SLC30A7: variants seen among roughly 807,000 people sequenced by gnomAD.
The protein encoded by SLC30A7 is zinc transporter 7.
In SLC30A7, 35 loss-of-function variants were observed where a neutral mutation model predicts 46.0. That is an observed-to-expected ratio of 0.76 (90% confidence interval 0.58 to 1.01). SLC30A7 has a LOEUF of 1.01. Among genes scored for constraint, SLC30A7 ranks in the 50% least tolerant of loss-of-function variants. The pLI is 0.00. For missense variants in SLC30A7, 464 were observed against 451.1 expected, an observed-to-expected ratio of 1.03 and a Z score of -0.26; for synonymous variants, 147 against 157.8, an observed-to-expected ratio of 0.93 and a Z score of 0.51.
At chr1:100,903,413 G>C (rs77796451) in intron 2 of SLC30A7, among the ~76,000 whole-genome samples, 255 of 152,056 alleles carry the variant, frequency 1.7e-3, no homozygotes, top group African/African-American at 6.1e-3. Flanking sequence ...TAGATGTTAT[G>C]GTTCAAGTGT....
intron 5 of SLC30A7, among the ~76,000 whole-genome samples, chr1:100,912,491 C>T (rs1652170658): frequency 6.6e-6 from 1 of 151,956 alleles, no homozygotes; most frequent in Admixed American, 6.6e-5. Context: ...ATAAAATAGA[C>T]AAATATCAGA....
At chr1:100,972,252 T>C in intron 10 of SLC30A7, 1 of 324,976 alleles carries the variant, frequency 3.1e-6, no homozygotes, top group South Asian at 2.7e-5. Flanking sequence ...CATAGGATTC[T>C]TCCACTTTTC....
chr1:100,897,620 C>G (rs1005878826), intron 2 of SLC30A7, among the ~76,000 whole-genome samples: 1 of 152,188 alleles, frequency 6.6e-6, no homozygotes. Flanking sequence ...GAGAAAATCG[C>G]TGTCCTTGAT....
the SLC30A7 span, chr1:100,990,681 A>C: frequency 1.3e-6 from 2 of 1,555,366 alleles, no homozygotes; most frequent in South Asian, 1.1e-5. Context: ...TGCATCATCC[A>C]TCCAACAGTC....
chr1:100,970,114 CAG>C (rs1656077079), intron 10 of SLC30A7, among the ~76,000 whole-genome samples: 1 of 151,996 alleles, frequency 6.6e-6, no homozygotes, highest in South Asian at 2.1e-4. Flanking sequence ...GTATTTCTTA[CAG>C]ACAGATTCAA....
chr1:100,929,174 G>A (rs1653514182), intron 8 of SLC30A7, among the ~76,000 whole-genome samples: 1 of 152,048 alleles, frequency 6.6e-6, no homozygotes, highest in South Asian at 2.1e-4. Context: ...ATATTTCCCA[G>A]AATGTTAATT....
intron 8 of SLC30A7, among the ~76,000 whole-genome samples, chr1:100,948,707 C>T (rs1486826425): frequency 1.3e-5 from 2 of 152,184 alleles, no homozygotes; most frequent in African/African-American, 2.4e-5. Context: ...AGTCTTTTCA[C>T]GTAGTCCTGT....
At chr1:100,990,369 T>C in the SLC30A7 span, 2 of 1,587,232 alleles carry the variant, frequency 1.3e-6, no homozygotes, top group Non-Finnish European at 1.7e-6. Flanking sequence ...AATCCATATA[T>C]GGCTGAAATT....
the SLC30A7 span, chr1:100,995,126 A>T: frequency 6.3e-7 from 1 of 1,579,984 alleles, no homozygotes; most frequent in Non-Finnish European, 8.7e-7. Context: ...AGATTTTCCA[A>T]AGACTGCTCC....
At chr1:100,911,545 T>TA (rs1254117513) in intron 4 of SLC30A7, among the ~76,000 whole-genome samples, 4 of 152,092 alleles carry the variant, frequency 2.6e-5, no homozygotes, top group African/African-American at 9.7e-5. Context: ...GTATTTTTTT[T>TA]AATTTTTTAT....
At chr1:100,965,618 G>GTATT (rs1378614201) in intron 9 of SLC30A7, 151 bp from the exon 10 acceptor site, 42 of 668,252 alleles carry the variant, frequency 6.3e-5, no homozygotes, top group South Asian at 5.4e-4. Flanking sequence ...GTACTCAAGA[G>GTATT]TATTTATTTA....
At chr1:100,926,259 T>C (rs1653298997) in intron 8 of SLC30A7, among the ~76,000 whole-genome samples, 1 of 152,208 alleles carries the variant, frequency 6.6e-6, no homozygotes, top group South Asian at 2.1e-4. Flanking sequence ...TACTTTGCAT[T>C]GCTATAAAGA....
chr1:100,976,208 A>G lies in SLC30A7; in HGVS notation c.*1351A>G, dbSNP rs1418954487. On this transcript the variant is annotated 3_prime_UTR_variant, in exon 11 of 11. Coordinates refer to ENST00000357650, the MANE Select transcript of SLC30A7 (RefSeq NM_133496.5). ...CCATTTCTATGGATTTTATAATGAAAGAAAAAGGCATTGGAGACTGAAGGC... is the reference window on the plus strand; with the variant it reads ...CCATTTCTATGGATTTTATAATGAAGGAAAAAGGCATTGGAGACTGAAGGC... The G allele has an allele frequency of 6.6e-6, 1 of 152,230 alleles. No homozygotes were observed. Among genetic ancestry groups the G allele is most frequent in the Non-Finnish European group, 1.5e-5 (1 of 68,046 alleles). The allele number at this position is 152,230 out of a possible 1,614,324, so 9.4% of individuals were successfully genotyped here. A position where few individuals can be genotyped will look rare whatever the true frequency, so the allele number is the denominator to read the frequency against.
At chr1:100,900,359 T>C (rs1651235576) in intron 2 of SLC30A7, among the ~76,000 whole-genome samples, 1 of 152,226 alleles carries the variant, frequency 6.6e-6, no homozygotes, top group Non-Finnish European at 1.5e-5. Flanking sequence ...TTTAAGACAA[T>C]ACCAGACATT....
intron 8 of SLC30A7, among the ~76,000 whole-genome samples, chr1:100,929,402 C>T (rs1001039271): frequency 9.9e-5 from 15 of 151,866 alleles, no homozygotes; most frequent in African/African-American, 3.6e-4. Flanking sequence ...TGATAAAGAA[C>T]TATTTGCAAG....
intron 8 of SLC30A7, among the ~76,000 whole-genome samples, chr1:100,961,121 ATT>A (rs796193858): frequency 1.4e-5 from 2 of 141,562 alleles, no homozygotes; most frequent in African/African-American, 2.6e-5. Flanking sequence ...TGCCCGGCTG[ATT>A]TTTTTTTTTT....
At position 100,955,714 on chromosome 1, in the gene SLC30A7, GA is replaced by G. The variant is rs200382415; in HGVS notation, c.843-6109del. On this transcript the variant is annotated intron_variant, in intron 8 of 10. Transcript: ENST00000357650. ...GCTTCTCTATTACAATAGTTAATCA[GA>G]AAAATATGGACACAAACTCCTGAGC... is the stretch of plus-strand genomic sequence containing the variant. Among the ~76,000 whole-genome samples, 726 of 152,094 alleles carry G rather than the reference GA, an allele frequency of 4.8e-3. 10 individuals carry two copies. The highest frequency in any genetic ancestry group is 0.017 in the African/African-American group (689 of 41,516).
At chr1:100,957,127 T>C (rs1655266321) in intron 8 of SLC30A7, among the ~76,000 whole-genome samples, 1 of 152,240 alleles carries the variant, frequency 6.6e-6, no homozygotes, top group South Asian at 2.1e-4. Context: ...AACGACCTGA[T>C]CTGTTCTAGT....
chr1:100,938,346 G>A (rs1036636702), intron 8 of SLC30A7, among the ~76,000 whole-genome samples: 2 of 152,132 alleles, frequency 1.3e-5, no homozygotes, highest in African/African-American at 4.8e-5. Flanking sequence ...CATCTCCTTT[G>A]TGAAGCCTGT....
Sources: gnomAD v4.1 joint callset for allele counts (sites outside exome capture counted in the v4.1 genomes callset) on GRCh38, gnomAD v4.1.1 for gene constraint, MANE v1.5 for transcripts, NCBI Gene and HGNC (gene_info 2026-07-23, HGNC 2026-07-21) for gene names.